GALNTL6: variants seen among roughly 807,000 people sequenced by gnomAD.
GALNTL6 encodes polypeptide N-acetylgalactosaminyltransferase like 6, also known as polypeptide N-acetylgalactosaminyltransferase-like 6.
A neutral mutation model predicts 73.7 loss-of-function variants in GALNTL6; 46 were observed. The observed-to-expected ratio is 0.62, with a 90% CI of 0.49 to 0.80. The LOEUF (loss-of-function observed/expected upper bound fraction) is 0.80. Ranked by LOEUF, GALNTL6 falls within the 30% of genes least tolerant of loss-of-function variation. The pLI, the probability that GALNTL6 is intolerant of heterozygous loss-of-function variation, is 0.00. For synonymous variants in GALNTL6, 259 were observed against 263.7 expected (o/e 0.98, Z 0.17); for missense variants, 604 against 755.0 (o/e 0.80, Z 2.34).
chr4:172,298,559 G>A (rs1167496598), intron 3 of GALNTL6, among the ~76,000 whole-genome samples: 13 of 152,128 alleles, frequency 8.5e-5, no homozygotes, highest in Non-Finnish European at 1.6e-4. Context: ...CTAATTTATT[G>A]AGAGTTTTTA....
At chr4:172,694,792 A>T (rs1477222419) in intron 5 of GALNTL6, among the ~76,000 whole-genome samples, 1 of 152,224 alleles carries the variant, frequency 6.6e-6, no homozygotes, top group Non-Finnish European at 1.5e-5. Flanking sequence ...TCCTCCAGTG[A>T]TAAAATATAA....
At chr4:172,169,338 G>A (rs1437717021) in intron 2 of GALNTL6, among the ~76,000 whole-genome samples, 1 of 152,194 alleles carries the variant, frequency 6.6e-6, no homozygotes, top group East Asian at 1.9e-4. Flanking sequence ...TGCCACAGCT[G>A]AAAGTTATTT....
chr4:172,214,959 C>G (rs918201966), intron 2 of GALNTL6, among the ~76,000 whole-genome samples: 1 of 152,028 alleles, frequency 6.6e-6, no homozygotes, highest in African/African-American at 2.4e-5. Flanking sequence ...CCAGAGCATA[C>G]CACAATTTTT....
At chr4:172,367,117 GT>G (rs1463479667) in intron 5 of GALNTL6, among the ~76,000 whole-genome samples, 1 of 152,172 alleles carries the variant, frequency 6.6e-6, no homozygotes, top group Non-Finnish European at 1.5e-5. Flanking sequence ...AGATAGGCAT[GT>G]CTTTTCTTTA....
intron 5 of GALNTL6, among the ~76,000 whole-genome samples, chr4:172,722,882 A>G (rs926797792): frequency 6.6e-6 from 1 of 152,188 alleles, no homozygotes; most frequent in African/African-American, 2.4e-5. Flanking sequence ...ACAAATTATC[A>G]TATGCTTTGT....
chr4:172,226,446 A>G (rs1736869653), intron 2 of GALNTL6, among the ~76,000 whole-genome samples: 1 of 152,128 alleles, frequency 6.6e-6, no homozygotes, highest in Non-Finnish European at 1.5e-5. Flanking sequence ...AGCCTTATCA[A>G]CTGGCCCACT....
chr4:172,125,283 A>T (rs1488786588), intron 2 of GALNTL6, among the ~76,000 whole-genome samples: 1 of 152,206 alleles, frequency 6.6e-6, no homozygotes, highest in Admixed American at 6.5e-5. Flanking sequence ...AATCCAGAAA[A>T]ATTAAATAAA....
intron 5 of GALNTL6, among the ~76,000 whole-genome samples, chr4:172,685,549 A>C: frequency 6.6e-6 from 1 of 152,192 alleles, no homozygotes; most frequent in East Asian, 1.9e-4. Flanking sequence ...TCTCAGCTGT[A>C]CTTTGCAAAA....
intron 7 of GALNTL6, among the ~76,000 whole-genome samples, chr4:172,874,805 T>A (rs1052619033): frequency 1.3e-5 from 2 of 152,134 alleles, no homozygotes; most frequent in Non-Finnish European, 2.9e-5. Flanking sequence ...CAAGGTGAAT[T>A]TCAAAAGAGA....
At chr4:172,997,376 AG>A (rs1395985079) in intron 10 of GALNTL6, among the ~76,000 whole-genome samples, 1 of 152,204 alleles carries the variant, frequency 6.6e-6, no homozygotes, top group African/African-American at 2.4e-5. Context: ...TCGGAGCCTC[AG>A]TTGCAAACGT....
intron 2 of GALNTL6, among the ~76,000 whole-genome samples, chr4:171,911,194 C>T (rs1737465897): frequency 6.6e-6 from 1 of 152,194 alleles, no homozygotes; most frequent in South Asian, 2.1e-4. Context: ...GAGTCTCACT[C>T]TGTCACCCAG....
At chr4:173,021,725 C>A in intron 12 of GALNTL6, 100 bp downstream of exon 12, 1 of 1,232,808 alleles carries the variant, frequency 8.1e-7, no homozygotes, top group Non-Finnish European at 1.2e-6. Context: ...CTGGCGCAGT[C>A]ACTCACACCT....
At chr4:172,658,478 A>G (rs1449164168) in intron 5 of GALNTL6, among the ~76,000 whole-genome samples, 4 of 151,828 alleles carry the variant, frequency 2.6e-5, no homozygotes, top group South Asian at 2.1e-4. Flanking sequence ...AAAAAAAAAA[A>G]AAAGAAAGAA....
intron 2 of GALNTL6, among the ~76,000 whole-genome samples, chr4:172,138,434 G>A (rs1269530238): frequency 2.0e-5 from 2 of 102,098 alleles, no homozygotes; most frequent in African/African-American, 3.8e-5. Context: ...AACTATCTCA[G>A]AGTCAAATTT....
At chr4:172,545,202 G>C (rs766189904) in intron 5 of GALNTL6, among the ~76,000 whole-genome samples, 6 of 151,170 alleles carry the variant, frequency 4.0e-5, no homozygotes, top group Non-Finnish European at 5.9e-5. Context: ...ATAATGGGGT[G>C]GGGGGGTAAC....
intron 2 of GALNTL6, among the ~76,000 whole-genome samples, chr4:171,907,628 G>T (rs1299828106): frequency 2.0e-5 from 3 of 151,808 alleles, no homozygotes; most frequent in Non-Finnish European, 4.4e-5. Context: ...TTTCTTCATA[G>T]AATTGGAAAA....
At chr4:172,423,427 G>T (rs535883707) in intron 5 of GALNTL6, among the ~76,000 whole-genome samples, 1 of 151,622 alleles carries the variant, frequency 6.6e-6, no homozygotes, top group Admixed American at 6.6e-5. Flanking sequence ...CATTACTGCC[G>T]CAGTCAGTAC....
chr4:172,341,851 A>G lies in GALNTL6; in HGVS notation c.387-6672A>G, dbSNP rs1483414040. Among the ~76,000 whole-genome samples, 3 of 152,290 alleles carry G rather than the reference A, an allele frequency of 2.0e-5. No individual in the cohort carries two copies. In the East Asian group the frequency reaches 5.8e-4, roughly 29 times the overall value. ...GTATGTCTTTATCAGCACCATGAAA[A>G]CAGACTAATACAGTTGAATCAAGTA... On this transcript the variant is annotated intron_variant, in intron 4 of 12. Coordinates refer to ENST00000506823, the MANE Select transcript of GALNTL6 (RefSeq NM_001034845.3).
chr4:171,943,108 T>C (rs191875806), intron 2 of GALNTL6, among the ~76,000 whole-genome samples: 12 of 152,314 alleles, frequency 7.9e-5, no homozygotes, highest in Admixed American at 3.3e-4. Context: ...TCAGAAACAT[T>C]CAGGAGTTCC....
Sources: allele counts gnomAD v4.1 joint callset (sites outside exome capture counted in the v4.1 genomes callset), GRCh38; gene constraint gnomAD v4.1.1; transcripts MANE v1.5; gene names NCBI Gene and HGNC (gene_info 2026-07-23, HGNC 2026-07-21).